Variants in CNTLN observed in about 807,000 individuals in gnomAD.
The protein encoded by CNTLN is centlein.
Under a neutral mutation model 180.0 loss-of-function variants are expected in CNTLN, and 212 were observed. The ratio of observed to expected loss-of-function variants is 1.18; its 90% confidence interval spans 1.05 to 1.32. CNTLN has a LOEUF of 1.32. CNTLN is among the 40% of genes most tolerant of loss of function. The probability of loss-of-function intolerance (pLI) is 0.00; values close to 1 mark genes in which losing one functional copy is unlikely to be tolerated. For missense variants in CNTLN, 2,095 were observed against 1,610.9 expected, an observed-to-expected ratio of 1.30 and a Z score of -5.14; for synonymous variants, 722 against 563.1, an observed-to-expected ratio of 1.28 and a Z score of -3.99.
At chr9:17,508,172 T>C (rs1246110375), downstream of CNTLN, among the ~76,000 whole-genome samples, 2 of 152,184 alleles carry the variant, frequency 1.3e-5, no homozygotes, top group Non-Finnish European at 2.9e-5. Flanking sequence ...AATTCAGTGA[T>C]GGACCCAAGG....
In CNTLN at chr9:17,503,120, CTT is replaced by C. The variant is rs1180491323; in HGVS notation, c.*469_*470del. ...GCAAATATAAAATGAAGCATCATAA[CTT>C]GAGCATTTATTGAAATAAATTGTGT... On this transcript the variant is annotated 3_prime_UTR_variant, in exon 26 of 26. Coordinates refer to ENST00000380647, the MANE Select transcript of CNTLN (RefSeq NM_017738.4). 9.8e-5 allele frequency: 15 copies of C among 152,466 alleles called. No homozygotes were observed. The highest frequency in any genetic ancestry group is 3.6e-4 in the African/African-American group (15 of 41,578). 9.4% of individuals were successfully genotyped at this position (152,466 alleles called of 1,614,324 possible).
chr9:17,427,663 A>T (rs892150989), intron 18 of CNTLN, among the ~76,000 whole-genome samples: 4 of 152,064 alleles, frequency 2.6e-5, no homozygotes, highest in African/African-American at 9.7e-5. Context: ...TTACTTCATG[A>T]TTCTGTGTAT....
chr9:17,389,551 C>T (rs1825939300), intron 14 of CNTLN, among the ~76,000 whole-genome samples: 1 of 147,138 alleles, frequency 6.8e-6, no homozygotes, highest in African/African-American at 2.5e-5. Flanking sequence ...AAATTATTTT[C>T]ATTGTACTGT....
At chr9:17,195,623 A>G (rs1822079848) in intron 2 of CNTLN, among the ~76,000 whole-genome samples, 1 of 152,214 alleles carries the variant, frequency 6.6e-6, no homozygotes, top group Non-Finnish European at 1.5e-5. Flanking sequence ...TATTTACTGA[A>G]TGGCTAATAT....
intron 1 of CNTLN, among the ~76,000 whole-genome samples, chr9:17,139,786 C>A (rs1053397774): frequency 6.6e-6 from 1 of 152,142 alleles, no homozygotes; most frequent in East Asian, 1.9e-4. Flanking sequence ...CTCATTGCAG[C>A]GTTGACCTCC....
chr9:17,434,520 T>C (rs1265959773), intron 18 of CNTLN, among the ~76,000 whole-genome samples: 2 of 152,236 alleles, frequency 1.3e-5, no homozygotes, highest in Non-Finnish European at 2.9e-5. Context: ...TATGAGTGTT[T>C]GCAGGTTTTC....
At chr9:17,159,584 C>T (rs746555198) in intron 2 of CNTLN, among the ~76,000 whole-genome samples, 5 of 152,166 alleles carry the variant, frequency 3.3e-5, no homozygotes, top group Admixed American at 6.5e-5. Context: ...ATTGCACTTG[C>T]GTTGGACTTA....
intron 2 of CNTLN, among the ~76,000 whole-genome samples, chr9:17,188,590 A>C (rs1451212316): frequency 6.6e-6 from 1 of 152,168 alleles, no homozygotes; most frequent in Non-Finnish European, 1.5e-5. Flanking sequence ...GATCTTAGGC[A>C]ATGGGAAGCA....
At chr9:17,244,866 T>A (rs1246177892) in intron 5 of CNTLN, among the ~76,000 whole-genome samples, 1 of 152,220 alleles carries the variant, frequency 6.6e-6, no homozygotes, top group African/African-American at 2.4e-5. Flanking sequence ...CACCCATTAT[T>A]TTAAACTGAT....
chr9:17,320,460 CTA>C (rs1160772853), intron 8 of CNTLN, among the ~76,000 whole-genome samples: 1 of 151,128 alleles, frequency 6.6e-6, no homozygotes, highest in Non-Finnish European at 1.5e-5. Flanking sequence ...CCTCTTAAAA[CTA>C]TGTTTTCTTA....
intron 5 of CNTLN, among the ~76,000 whole-genome samples, chr9:17,241,732 C>T (rs190652887): frequency 9.9e-5 from 15 of 151,956 alleles, no homozygotes; most frequent in Non-Finnish European, 7.4e-5. Flanking sequence ...TAATTTCTCT[C>T]ATCAATGTTT....
intron 2 of CNTLN, among the ~76,000 whole-genome samples, chr9:17,194,914 AG>A (rs1415247863): frequency 1.3e-5 from 2 of 152,196 alleles, no homozygotes; most frequent in African/African-American, 4.8e-5. Context: ...CGAGAAAATG[AG>A]GAAGATGCAA....
At chr9:17,319,020 A>G (rs1213714165) in intron 8 of CNTLN, among the ~76,000 whole-genome samples, 1 of 152,238 alleles carries the variant, frequency 6.6e-6, no homozygotes, top group East Asian at 1.9e-4. Context: ...TAGTTACAAA[A>G]TGTGTTGTAA....
At chr9:17,464,759 C>G (rs755786448) in intron 21 of CNTLN, 136 bp downstream of exon 21, 78 of 493,628 alleles carry the variant, frequency 1.6e-4, no homozygotes, top group Non-Finnish European at 2.2e-4. Flanking sequence ...AAGTAACACT[C>G]TTTGCTCTGA....
chr9:17,253,900 G>C (rs1470027874), intron 5 of CNTLN, among the ~76,000 whole-genome samples: 2 of 151,328 alleles, frequency 1.3e-5, no homozygotes, highest in Non-Finnish European at 3.0e-5. Flanking sequence ...TTAATAGGAT[G>C]TTAGTTATAT....
In CNTLN at chr9:17,309,098, C is replaced by A; in HGVS notation, c.1187C>A (p.Ser396Ter). The A allele has an allele frequency of 1.3e-6, 2 of 1,596,298 alleles. No individual in the cohort carries two copies. The highest frequency in any genetic ancestry group is 2.2e-5 in the East Asian group (1 of 44,656). ...CATATTTGTTTTGAAACCACAAAATCAAATGAAGCTATGCTCCGGCAAAGT... is the reference window on the plus strand; with the variant it reads ...CATATTTGTTTTGAAACCACAAAATAAAATGAAGCTATGCTCCGGCAAAGT... The part of the protein sequence containing the change: ...ELHICFETTK[S>*]NEAMLRQSVT... Residue 396 changes from serine (S) to a stop codon, truncating the protein, a stop_gained, in exon 8 of 26, where the codon TCA becomes TAA. Transcript: ENST00000380647. LOFTEE classifies it high-confidence loss of function.
chr9:17,238,625 TAC>T (rs1825299877), intron 5 of CNTLN, among the ~76,000 whole-genome samples: 2 of 152,206 alleles, frequency 1.3e-5, no homozygotes, highest in Non-Finnish European at 1.5e-5. Flanking sequence ...TCCATAAAAA[TAC>T]ACAGTTTTCC....
intron 12 of CNTLN, among the ~76,000 whole-genome samples, chr9:17,352,412 ATATATT>A (rs1386355828): frequency 3.8e-4 from 6 of 15,812 alleles, no homozygotes; most frequent in Admixed American, 1.5e-3. Context: ...ATATATATAT[ATATATT>A]TTTTTTTTTT....
chr9:17,394,502 G>T, intron 14 of CNTLN, 32 bp from the exon 15 acceptor site: 2 of 1,376,476 alleles, frequency 1.5e-6, no homozygotes, highest in Non-Finnish European at 2.0e-6. Flanking sequence ...TATGGTTTTT[G>T]GATTCTTAAA....
Sources: gnomAD v4.1 joint callset for allele counts (sites outside exome capture counted in the v4.1 genomes callset) on GRCh38, gnomAD v4.1.1 for gene constraint, MANE v1.5 for transcripts, NCBI Gene and HGNC (gene_info 2026-07-23, HGNC 2026-07-21) for gene names.